KALRN: variants seen among roughly 807,000 people sequenced by gnomAD.
KALRN encodes kalirin.
In KALRN, 70 loss-of-function variants were observed where a neutral mutation model predicts 353.7. The ratio of observed to expected loss-of-function variants is 0.20; its 90% CI spans 0.16 to 0.24. KALRN has a LOEUF of 0.24. Among genes scored for constraint, KALRN ranks in the 10% least tolerant of loss-of-function variants. The pLI is 1.00. For synonymous variants in KALRN, 1,391 were observed against 1,434.8 expected, an observed-to-expected ratio of 0.97 and a Z score of 0.69; for missense variants, 2,791 against 3,756.7, an observed-to-expected ratio of 0.74 and a Z score of 6.72.
chr3:124,084,992 G>T (rs770970907), intron 1 of KALRN, among the ~76,000 whole-genome samples: 1 of 152,146 alleles, frequency 6.6e-6, no homozygotes, highest in African/African-American at 2.4e-5. Context: ...TCTGATAGAC[G>T]TACCATGTAA....
intron 34 of KALRN, among the ~76,000 whole-genome samples, chr3:124,570,858 G>A (rs1393853135): frequency 6.6e-6 from 1 of 152,148 alleles, no homozygotes; most frequent in Non-Finnish European, 1.5e-5. Flanking sequence ...GCAGGTGAAA[G>A]GTGTTCTAGC....
intron 34 of KALRN, among the ~76,000 whole-genome samples, chr3:124,594,773 T>C (rs1221160580): frequency 1.3e-5 from 2 of 152,062 alleles, no homozygotes; most frequent in Non-Finnish European, 2.9e-5. Context: ...TGATCAGCCT[T>C]TATCTCTCCT....
intron 3 of KALRN, among the ~76,000 whole-genome samples, chr3:124,258,486 G>C (rs1487628616): frequency 6.6e-6 from 1 of 151,812 alleles, no homozygotes; most frequent in Non-Finnish European, 1.5e-5. Flanking sequence ...TTTTCCTCAG[G>C]GTCATCTACT....
At chr3:124,047,426 T>C (rs370984376) in intron 1 of KALRN, among the ~76,000 whole-genome samples, 8 of 150,364 alleles carry the variant, frequency 5.3e-5, no homozygotes, top group African/African-American at 1.9e-4. Flanking sequence ...AGTGATAATT[T>C]AAATAAGTGG....
chr3:124,036,165 G>C (rs1252120317), intron 1 of KALRN, among the ~76,000 whole-genome samples: 1 of 152,070 alleles, frequency 6.6e-6, no homozygotes, highest in Non-Finnish European at 1.5e-5. Context: ...CATCACCTTG[G>C]TAATAAGCAT....
chr3:124,715,752 G>C (rs539974539), intron 58 of KALRN, among the ~76,000 whole-genome samples: 1 of 152,140 alleles, frequency 6.6e-6, no homozygotes, highest in Non-Finnish European at 1.5e-5. Flanking sequence ...CCTCTGCATG[G>C]GCATTTCCTG....
chr3:124,365,459 C>T (rs1315975776), intron 10 of KALRN, among the ~76,000 whole-genome samples: 2 of 152,156 alleles, frequency 1.3e-5, no homozygotes, highest in African/African-American at 4.8e-5. Context: ...CTAGAGCAGC[C>T]GTGTGCCTGA....
chr3:124,645,012 C>T (rs529960648), intron 37 of KALRN, among the ~76,000 whole-genome samples: 12 of 152,264 alleles, frequency 7.9e-5, no homozygotes, highest in African/African-American at 2.6e-4. Context: ...TTTTGATGAT[C>T]GCCATTCTAA....
intron 33 of KALRN, among the ~76,000 whole-genome samples, chr3:124,525,045 TC>T (rs2067471668): frequency 6.6e-6 from 1 of 152,200 alleles, no homozygotes; most frequent in South Asian, 2.1e-4. Flanking sequence ...CTCAGATCTG[TC>T]CTTTGAAACC....
intron 34 of KALRN, among the ~76,000 whole-genome samples, chr3:124,577,511 C>G (rs900706623): frequency 6.6e-6 from 1 of 152,194 alleles, no homozygotes; most frequent in Non-Finnish European, 1.5e-5. Flanking sequence ...GGCAAGCACA[C>G]TTTTTCTGTA....
At chr3:124,422,655 C>T (rs999498026) in intron 14 of KALRN, among the ~76,000 whole-genome samples, 157 bp from the exon 15 acceptor site, 8 of 152,140 alleles carry the variant, frequency 5.3e-5, no homozygotes, top group African/African-American at 1.9e-4. Context: ...CAAACAAGGG[C>T]GCATTGTGGT....
chr3:124,229,488 T>C (rs1349500052), intron 2 of KALRN, among the ~76,000 whole-genome samples: 4 of 152,240 alleles, frequency 2.6e-5, no homozygotes, highest in African/African-American at 9.6e-5. Flanking sequence ...CTGGGTGATT[T>C]TGGTTATCTA....
chr3:124,163,981 C>T (rs1242937049), intron 1 of KALRN: 1 of 985,292 alleles, frequency 1.0e-6, no homozygotes, highest in Non-Finnish European at 1.2e-6. Context: ...TGTGGTCATT[C>T]AGAGTAGCAA....
intron 1 of KALRN, among the ~76,000 whole-genome samples, chr3:124,136,205 A>AT (rs5852389): frequency 3.4e-4 from 51 of 149,382 alleles, no homozygotes; most frequent in Non-Finnish European, 4.9e-4. Context: ...TGGGTTTTTC[A>AT]TTTTTTTTTT....
chr3:124,651,271 A>G (rs1262413816), intron 38 of KALRN, among the ~76,000 whole-genome samples: 1 of 152,246 alleles, frequency 6.6e-6, no homozygotes, highest in Non-Finnish European at 1.5e-5. Context: ...CTATAGAATC[A>G]GAGAGTCTCT....
Position 124,268,798 on chromosome 3 carries a change from C to T in KALRN, c.512C>T (p.Thr171Met). ...AAGCTGGTGGACCCCTCCCAGCTGA[C>T]GGAGGAGTTTGATGGCTCCCTGGAC... is the stretch of plus-strand genomic sequence containing the variant. ...LTKLVDPSQLTEEFDGSLDYN... is the reference protein window; with the variant it reads ...LTKLVDPSQLMEEFDGSLDYN... Residue 171 changes from threonine (T) to methionine (M), a missense_variant, in exon 5 of 60, where the codon ACG becomes ATG. Physicochemically the swap from Thr to Met is moderately conservative, Grantham distance 81. This residue lies in a region of KALRN where 110 missense variants were observed against 204.1 expected (regional missense o/e 0.54). Coordinates refer to ENST00000682506, the MANE Select transcript of KALRN (RefSeq NM_001388419.1). 6.2e-7 allele frequency: 1 copy of T among 1,614,090 alleles called. No individual in the cohort carries two copies. Among genetic ancestry groups the T allele is most frequent in the Non-Finnish European group, 8.5e-7 (1 of 1,180,008 alleles).
At chr3:124,464,721 T>G (rs940846175) in intron 25 of KALRN, among the ~76,000 whole-genome samples, 7 of 152,130 alleles carry the variant, frequency 4.6e-5, no homozygotes, top group Admixed American at 6.5e-5. Flanking sequence ...TAACAACCTC[T>G]TTACCTCTTG....
At chr3:124,567,251 C>G (rs1561305438) in intron 34 of KALRN, among the ~76,000 whole-genome samples, 1 of 152,172 alleles carries the variant, frequency 6.6e-6, no homozygotes. Flanking sequence ...CCGGTCTCCT[C>G]TCTTCCAAGA....
At chr3:124,390,390 A>T (rs985363847) in intron 11 of KALRN, among the ~76,000 whole-genome samples, 1 of 152,224 alleles carries the variant, frequency 6.6e-6, no homozygotes, top group Non-Finnish European at 1.5e-5. Context: ...CACCTTGTGG[A>T]ATCATTCTGC....
Sources: gnomAD v4.1 joint callset for allele counts (sites outside exome capture counted in the v4.1 genomes callset) on GRCh38, gnomAD v4.1.1 for gene constraint, gnomAD v4.1.1 regional missense constraint, MANE v1.5 for transcripts, NCBI Gene and HGNC (gene_info 2026-07-23, HGNC 2026-07-21) for gene names.